SH3PXD2B: variants seen among roughly 807,000 people sequenced by gnomAD.
The protein encoded by SH3PXD2B is SH3 and PX domain-containing protein 2B.
SH3PXD2B carries 37 observed loss-of-function variants against 73.1 expected under a neutral mutation model. That is an observed-to-expected ratio of 0.51 (90% CI 0.39 to 0.67). The LOEUF (loss-of-function observed/expected upper bound fraction) is 0.67. Ranked by LOEUF, SH3PXD2B falls within the 30% of genes least tolerant of loss-of-function variation. The pLI, the probability that SH3PXD2B is intolerant of heterozygous loss-of-function variation, is 0.00. For missense variants in SH3PXD2B, 1,053 were observed against 1,197.8 expected (o/e 0.88, Z 1.78); for synonymous variants, 457 against 480.5 (o/e 0.95, Z 0.64).
chr5:172,431,860 C>T (rs1303100589), intron 1 of SH3PXD2B, among the ~76,000 whole-genome samples: 1 of 152,030 alleles, frequency 6.6e-6, no homozygotes, highest in African/African-American at 2.4e-5. Context: ...GTGTGTGTTT[C>T]TCTTTAAAGA....
chr5:172,422,318 G>A, intron 2 of SH3PXD2B, 98 bp downstream of exon 2: 1 of 1,183,990 alleles, frequency 8.4e-7, no homozygotes. Context: ...TTAAGTCTGG[G>A]AAATTAAAAA....
chr5:172,405,242 G>A (rs1413018115), intron 3 of SH3PXD2B, among the ~76,000 whole-genome samples: 1 of 152,222 alleles, frequency 6.6e-6, no homozygotes, highest in Non-Finnish European at 1.5e-5. Context: ...TGTGAGGTAG[G>A]TTCATAAACT....
At chr5:172,405,960 T>C (rs1276582697) in intron 3 of SH3PXD2B, among the ~76,000 whole-genome samples, 2 of 152,192 alleles carry the variant, frequency 1.3e-5, no homozygotes, top group African/African-American at 4.8e-5. Flanking sequence ...TGGTGTAGCA[T>C]CTAATGCCAA....
chr5:172,395,517 G>C (rs1159137247), intron 3 of SH3PXD2B, among the ~76,000 whole-genome samples: 1 of 152,146 alleles, frequency 6.6e-6, no homozygotes, highest in Non-Finnish European at 1.5e-5. Context: ...GTGGGTCACA[G>C]GAAAACACGG....
chr5:172,329,083 A>ATTTTTTTTTTTTTTTTTTTTTTT (rs1164155218), downstream of SH3PXD2B, among the ~76,000 whole-genome samples: 2 of 61,818 alleles, frequency 3.2e-5, no homozygotes, highest in African/African-American at 1.6e-4. Flanking sequence ...ATATATATAT[A>ATTTTTTTTTTTTTTTTTTTTTTT]TTTTTTTTTT....
intron 2 of SH3PXD2B, among the ~76,000 whole-genome samples, chr5:172,409,564 G>GT (rs1164583653): frequency 1.3e-5 from 2 of 151,940 alleles, no homozygotes; most frequent in South Asian, 2.1e-4. Flanking sequence ...GCTTCCACAT[G>GT]TAAGTGAGAA....
chr5:172,361,660 G>A (rs1205418134), intron 7 of SH3PXD2B, among the ~76,000 whole-genome samples: 1 of 152,216 alleles, frequency 6.6e-6, no homozygotes, highest in Non-Finnish European at 1.5e-5. Context: ...AGGGGCTGCT[G>A]GAGTTGGTTT....
At chr5:172,433,821 A>G (rs557058698) in intron 1 of SH3PXD2B, among the ~76,000 whole-genome samples, 1 of 152,336 alleles carries the variant, frequency 6.6e-6, no homozygotes, top group Non-Finnish European at 1.5e-5. Context: ...ATCTCTAGAA[A>G]GGAATCCATG....
At position 172,382,806 on chromosome 5, in the gene SH3PXD2B, A is replaced by G. The variant is rs112502311; in HGVS notation, c.310-679T>C. On this transcript the variant is annotated intron_variant, in intron 4 of 12. Coordinates refer to ENST00000311601, the MANE Select transcript of SH3PXD2B (RefSeq NM_001017995.3). Reference sequence around the variant, plus strand: ...TGCAGTGGTGCAGCCTCGGCTCACCACAACCTCTGCCTCCTGGGTTCAAGC... The same window carrying G: ...TGCAGTGGTGCAGCCTCGGCTCACCGCAACCTCTGCCTCCTGGGTTCAAGC... Among the ~76,000 whole-genome samples the G allele has an allele frequency of 7.5e-3, 1,145 of 152,158 alleles. 17 individuals carry two copies. The highest frequency in any genetic ancestry group is 0.026 in the African/African-American group (1,072 of 41,512).
chr5:172,338,400 A>C lies in SH3PXD2B; in HGVS notation c.2705T>G (p.Ile902Ser), dbSNP rs1258713514. ...LSGAPSWEGWIPSNYLRKKP is the reference protein window; with the variant it reads ...LSGAPSWEGWSPSNYLRKKP Reference sequence around the variant, plus strand: ...CTTCTTTCTGAGATAGTTGGAAGGAATCCACCCTTCCCAGGAAGGGGCTCC... The same window carrying C: ...CTTCTTTCTGAGATAGTTGGAAGGACTCCACCCTTCCCAGGAAGGGGCTCC... Residue 902 changes from isoleucine (I) to serine (S), a missense_variant, in exon 13 of 13, where the codon ATT (isoleucine) becomes AGT (serine). Around this residue, in one of 2 missense-constraint regions of SH3PXD2B, gnomAD observed 587 missense variants for 590.7 expected, o/e 0.99. Coordinates refer to ENST00000311601, the MANE Select transcript of SH3PXD2B (RefSeq NM_001017995.3). The surrounding 1 kb of genome is among the most constrained non-coding windows in gnomAD (Gnocchi z 5.1). The C allele has an allele frequency of 6.2e-7, 1 of 1,614,026 alleles. No individual in the cohort carries two copies. Among genetic ancestry groups the C allele is most frequent in the East Asian group, 2.2e-5 (1 of 44,882 alleles).
intron 12 of SH3PXD2B, among the ~76,000 whole-genome samples, chr5:172,327,217 G>T (rs747391573): frequency 6.6e-6 from 1 of 152,106 alleles, no homozygotes; most frequent in African/African-American, 2.4e-5. Context: ...ATTATTATGC[G>T]CTATTAGAAG....
Position 172,335,781 on chromosome 5 carries a change from C to T in SH3PXD2B, c.*2588G>A, listed in dbSNP as rs1756676297. On this transcript the variant is annotated 3_prime_UTR_variant, in exon 13 of 13. Coordinates refer to ENST00000311601, the MANE Select transcript of SH3PXD2B (RefSeq NM_001017995.3). ...AGAGTGACTGGCCACCCTGACCCACCCACTGCCTGGGGAAGTGTCTACCAT... is the reference window on the plus strand; with the variant it reads ...AGAGTGACTGGCCACCCTGACCCACTCACTGCCTGGGGAAGTGTCTACCAT... 8.1e-7 allele frequency: 1 copy of T among 1,230,290 alleles called. No individual in the cohort carries two copies. The highest frequency in any genetic ancestry group is 3.2e-5 in the East Asian group (1 of 31,642). The allele number at this position is 1,230,290 out of a possible 1,614,324, so 76.2% of individuals were successfully genotyped here.
intron 1 of SH3PXD2B, among the ~76,000 whole-genome samples, chr5:172,439,686 G>GCACACACACACACACA (rs1470521440): frequency 1.1e-5 from 1 of 87,072 alleles, no homozygotes; most frequent in South Asian, 4.9e-4. Context: ...GTGCGCGCAC[G>GCACACACACACACACA]CGCGCGCACA....
At chr5:172,439,685 C>T (rs574539854) in intron 1 of SH3PXD2B, among the ~76,000 whole-genome samples, 5,998 of 61,038 alleles carry the variant, frequency 0.098, 306 homozygotes, top group African/African-American at 0.24. Flanking sequence ...CGTGCGCGCA[C>T]GCGCGCGCAC....
At chr5:172,354,155 C>T (rs1757221588) in intron 8 of SH3PXD2B, 150 bp from the exon 9 acceptor site, 1 of 734,170 alleles carries the variant, frequency 1.4e-6, no homozygotes, top group Non-Finnish European at 2.4e-6. Context: ...CCTGGACAGC[C>T]CTGTGCAAGC....
rs756138875 is a variant in SH3PXD2B at position 172,350,529 on chromosome 5, G to T, written c.846C>A (p.Pro282=). Residue 282 remains proline (P), a synonymous_variant, in exon 10 of 13, where the codon CCC becomes CCA. Transcript: ENST00000311601. ...ASYLKKNSGE[P]LPPKPGPGSP... ...AGCCAGGGCCTGGCTTCGGGGGCAAGGGCTCCCCACTGTTCTTCTTTAGGT... is the reference window on the plus strand; with the variant it reads ...AGCCAGGGCCTGGCTTCGGGGGCAATGGCTCCCCACTGTTCTTCTTTAGGT... The T allele has an allele frequency of 1.7e-5, 28 of 1,613,884 alleles. No individual in the cohort carries two copies. The highest frequency in any genetic ancestry group is 2.4e-5 in the Non-Finnish European group (28 of 1,179,972).
chr5:172,422,305 T>C (rs1046738423), intron 2 of SH3PXD2B, 111 bp downstream of exon 2: 5 of 1,058,626 alleles, frequency 4.7e-6, no homozygotes, highest in Non-Finnish European at 7.0e-6. Context: ...ATGGATGTCA[T>C]TTTTAAGTCT....
chr5:172,343,687 C>T (rs1270497398), intron 12 of SH3PXD2B, among the ~76,000 whole-genome samples: 1 of 152,044 alleles, frequency 6.6e-6, no homozygotes, highest in Non-Finnish European at 1.5e-5. Context: ...CGCCTGTAAT[C>T]CCAGCTACTT....
intron 6 of SH3PXD2B, among the ~76,000 whole-genome samples, chr5:172,370,065 A>C (rs1054509107): frequency 2.6e-5 from 4 of 152,234 alleles, no homozygotes; most frequent in African/African-American, 9.6e-5. Context: ...TTGTTCATTC[A>C]GCATCCAGCA....
Sources: allele counts gnomAD v4.1 joint callset (sites outside exome capture counted in the v4.1 genomes callset), GRCh38; gene constraint gnomAD v4.1.1; regional missense constraint gnomAD v4.1.1; non-coding constraint Gnocchi (gnomAD v3.1); transcripts MANE v1.5; gene names NCBI Gene and HGNC (gene_info 2026-07-23, HGNC 2026-07-21).